Variants in KIAA1755 observed in about 807,000 individuals in gnomAD.
KIAA1755 encodes KIAA1755.
Under a neutral mutation model 91.7 loss-of-function variants are expected in KIAA1755, and 68 were observed. The ratio of observed to expected loss-of-function variants is 0.74; its 90% CI spans 0.61 to 0.91. KIAA1755 has a LOEUF of 0.91. Ranked by LOEUF, KIAA1755 falls within the 40% of genes least tolerant of loss-of-function variation. The pLI, the probability that KIAA1755 is intolerant of heterozygous loss-of-function variation, is 0.00. For synonymous variants in KIAA1755, 610 were observed against 604.6 expected, an observed-to-expected ratio of 1.01 and a Z score of -0.13; for missense variants, 1,535 against 1,494.4, an observed-to-expected ratio of 1.03 and a Z score of -0.45.
chr20:38,225,454 A>G, intron 8 of KIAA1755: 2 of 564,734 alleles, frequency 3.5e-6, no homozygotes, highest in Non-Finnish European at 6.3e-6. Flanking sequence ...ACTTATCCAA[A>G]ATCACACAGC....
chr20:38,219,725 C>A lies in KIAA1755; in HGVS notation c.2461G>T (p.Glu821Ter), dbSNP rs781316972. 6 of 1,614,064 alleles carry A rather than the reference C, an allele frequency of 3.7e-6. No individual in the cohort carries two copies. The highest frequency in any genetic ancestry group is 3.3e-5 in the Admixed American group (2 of 60,004). Reference sequence around the variant, plus strand: ...GCGGTGACCAGAACATGAAGCTGCTCGTCCACAAGGCTGTACAAGGCAGTG... The same window carrying A: ...GCGGTGACCAGAACATGAAGCTGCTAGTCCACAAGGCTGTACAAGGCAGTG... ...AATALYSLVD[E>*]QLHVLVTASN... The change falls in exon 11 of 14, where the codon GAG becomes TAG. Residue 821 changes from glutamate to a stop codon, truncating the protein, a stop_gained. Coordinates refer to ENST00000279024, the MANE Select transcript of KIAA1755 (RefSeq NM_001029864.2). LOFTEE classifies it high-confidence loss of function.
rs1475097887 is a variant in KIAA1755, at chr20:38,242,763, A to G, written c.202-834T>C. 3.9e-5 allele frequency among the ~76,000 whole-genome samples: 6 copies of G among 151,974 alleles called. No individual in the cohort carries two copies. The East Asian group carries it at 7.7e-4, about 20-fold the overall frequency. ...CTAGATGGCTGTCCAGTTTTTCCTGACCCAAAGGTTATTCTGGGCCTGAAT... is the reference window on the plus strand; with the variant it reads ...CTAGATGGCTGTCCAGTTTTTCCTGGCCCAAAGGTTATTCTGGGCCTGAAT... On this transcript the variant is annotated intron_variant, in intron 2 of 13. Transcript: ENST00000279024.
intron 4 of KIAA1755, chr20:38,233,608 T>G (rs2075906754): frequency 6.6e-6 from 1 of 152,050 alleles, no homozygotes. Flanking sequence ...CATGCCTGAT[T>G]CACCCCTTGA....
At chr20:38,231,145 T>C in intron 5 of KIAA1755, 57 bp downstream of exon 5, 1 of 1,552,624 alleles carries the variant, frequency 6.4e-7, no homozygotes, top group Non-Finnish European at 8.7e-7. Context: ...GGTCCAGGGC[T>C]CTGGGCCCAG....
chr20:38,245,233 T>G (rs1221840306), intron 2 of KIAA1755, among the ~76,000 whole-genome samples: 2 of 152,158 alleles, frequency 1.3e-5, no homozygotes, highest in Non-Finnish European at 2.9e-5. Flanking sequence ...CTCTCTAGGA[T>G]AGAATATAAA....
Position 38,241,920 on chromosome 20 carries a change from A to ACTACG in KIAA1755, c.210_211insCGTAG (p.Ser71ArgfsTer16). On this transcript the variant is annotated frameshift_variant, in exon 3 of 14. Transcript: ENST00000279024. LOFTEE classifies it high-confidence loss of function. The stretch of plus-strand genomic sequence containing the variant: ...CCCTCGTGTAAGAAGAGGCAGTGTG[A>ACTACG]GTAGGGAGCCTGTGGAGAGAAGGGG... 6.2e-7 allele frequency: 1 copy of ACTACG among 1,611,658 alleles called. No homozygotes were observed.
At position 38,228,200 on chromosome 20, in the gene KIAA1755, C is replaced by T. The variant is rs138150915; in HGVS notation, c.1912G>A (p.Ala638Thr). 45 of 1,604,316 alleles carry T rather than the reference C, an allele frequency of 2.8e-5. No homozygotes were observed. The African/African-American group carries it at 3.1e-4, about 11-fold the overall frequency. Residue 638 changes from alanine (A) to threonine (T), a missense_variant, in exon 6 of 14, where the codon GCC becomes ACC. Transcript: ENST00000279024. Reference protein sequence around the residue: ...KAKGLAVLIDARRQPPQPGLV... With the variant: ...KAKGLAVLIDTRRQPPQPGLV... The stretch of plus-strand genomic sequence containing the variant: ...CCGGGCTGTGGGGGCTGTCTCCTGG[C>T]GTCAATCAGGACCGCCAGCCCCTTG...
Position 38,231,325 on chromosome 20 carries a change from C to T in KIAA1755, c.1748G>A (p.Gly583Asp), listed in dbSNP as rs1290038346. The T allele has an allele frequency of 6.2e-7, 1 of 1,607,078 alleles. No homozygotes were observed. Among genetic ancestry groups the T allele is most frequent in the African/African-American group, 1.3e-5 (1 of 74,916 alleles). The stretch of plus-strand genomic sequence containing the variant: ...GGGCCGCCCGGCCCTGTCCCGGCCA[C>T]CTGGAGGACAGAGGGCACACGTGAG... ...VFRSRIACLP[G>D]GRDRAGRPLL... The change falls in exon 5 of 14, where the codon GGT becomes GAT. Residue 583 changes from glycine to aspartate, a missense_variant and splice_region_variant. Gly to Asp is a moderately conservative substitution (Grantham distance 94). Coordinates refer to ENST00000279024, the MANE Select transcript of KIAA1755 (RefSeq NM_001029864.2).
intron 10 of KIAA1755, 61 bp downstream of exon 10, chr20:38,222,388 C>A: frequency 1.3e-6 from 2 of 1,562,300 alleles, no homozygotes; most frequent in Non-Finnish European, 1.7e-6. Context: ...GTGGTCCCAG[C>A]TCCAAGCTCC....
intron 1 of KIAA1755, among the ~76,000 whole-genome samples, chr20:38,255,938 C>T (rs1340323996): frequency 1.3e-5 from 2 of 152,194 alleles, no homozygotes; most frequent in East Asian, 3.8e-4. Flanking sequence ...ACCCAAACCA[C>T]ATCATGATCA....
In KIAA1755 at chr20:38,218,314, G is replaced by C; in HGVS notation, c.2609C>G (p.Pro870Arg). Reference protein sequence around the residue: ...EGRRCLQSLTPKDGSLETVEK... With the variant: ...EGRRCLQSLTRKDGSLETVEK... ...CACTGTCTCCAAACTTCCATCCTTG[G>C]GGGTCAGTGATTGCAGGCACCGCCT... Residue 870 changes from proline to arginine, a missense_variant, in exon 12 of 14, where the codon CCC becomes CGC. Pro to Arg is a moderately radical substitution (Grantham distance 103, BLOSUM62 -2). Transcript: ENST00000279024. 1 of 1,614,200 alleles carries C rather than the reference G, an allele frequency of 6.2e-7. No homozygotes were observed. The highest frequency in any genetic ancestry group is 1.6e-4 in the Middle Eastern group (1 of 6,062).
rs1339753799 is a variant in KIAA1755 at position 38,213,542 on chromosome 20, C to A, written c.3103G>T (p.Glu1035Ter). The change falls in exon 14 of 14, where the codon GAG becomes TAG. Residue 1035 changes from glutamate to a stop codon, truncating the protein, a stop_gained. Coordinates refer to ENST00000279024, the MANE Select transcript of KIAA1755 (RefSeq NM_001029864.2). LOFTEE classifies it low-confidence loss of function (END_TRUNC). ...SRAGLGQELW[E>*]EARIRHEEIR... The stretch of plus-strand genomic sequence containing the variant: ...TCCTCATGCCTGATCCGGGCCTCCT[C>A]CCATAGCTCCTGGCCCAGGCCTGCC... The A allele has an allele frequency of 1.2e-6, 2 of 1,609,082 alleles. No homozygotes were observed. The highest frequency in any genetic ancestry group is 1.7e-6 in the Non-Finnish European group (2 of 1,177,878).
In KIAA1755 at chr20:38,212,765, A is replaced by C; in HGVS notation, c.*277T>G. ...GTCTGTGCCGACAGGTCTTTCCACA[A>C]TGAGAGCCTGGAGGGATGGAGCCAA... On this transcript the variant is annotated 3_prime_UTR_variant, in exon 14 of 14. Transcript: ENST00000279024. 2.8e-6 allele frequency: 1 copy of C among 352,342 alleles called. No individual in the cohort carries two copies. Among genetic ancestry groups the C allele is most frequent in the Non-Finnish European group, 5.2e-6 (1 of 193,770 alleles). 21.8% of individuals were successfully genotyped at this position (352,342 alleles called of 1,614,324 possible). A position where few individuals can be genotyped will look rare whatever the true frequency, so the allele number is the denominator to read the frequency against.
chr20:38,227,239 G>C lies in KIAA1755; in HGVS notation c.1967C>G (p.Ala656Gly). 1 of 1,613,284 alleles carries C rather than the reference G, an allele frequency of 6.2e-7. No homozygotes were observed. Among genetic ancestry groups the C allele is most frequent in the Middle Eastern group, 1.7e-4 (1 of 6,060 alleles). The change falls in exon 7 of 14, where the codon GCT becomes GGT. Residue 656 changes from alanine (A) to glycine (G), a missense_variant and splice_region_variant. By Grantham distance (60) the Ala-to-Gly change is moderately conservative. Coordinates refer to ENST00000279024, the MANE Select transcript of KIAA1755 (RefSeq NM_001029864.2). ...GLVSALQATQ[A>G]QVPASIRAIL... is the part of the protein sequence containing the mutation. ...AGCCCGGATAGAGGCTGGGACCTGA[G>C]CCTGTCAAAGACAACCACTGCAGAG... is the stretch of plus-strand genomic sequence containing the variant.
At position 38,211,496 on chromosome 20, in the gene KIAA1755, T is replaced by C. The variant is rs1187075058; in HGVS notation, c.*1546A>G. On this transcript the variant is annotated 3_prime_UTR_variant, in exon 14 of 14. Transcript: ENST00000279024. ...AAGGGTGGGGCTTCTGGATGCTCCA[T>C]CTAAGATCCGACAGATAGGCCCCTT... 1 of 152,364 alleles carries C rather than the reference T, an allele frequency of 6.6e-6. No homozygotes were observed. Among genetic ancestry groups the C allele is most frequent in the Non-Finnish European group, 1.5e-5 (1 of 68,200 alleles). The allele number at this position is 152,364 out of a possible 1,614,324, so 9.4% of individuals were successfully genotyped here.
At chr20:38,235,077 G>A (rs559797383) in intron 4 of KIAA1755, among the ~76,000 whole-genome samples, 1 of 151,856 alleles carries the variant, frequency 6.6e-6, no homozygotes, top group Admixed American at 6.6e-5. Flanking sequence ...GGGGAGGGAG[G>A]AATGGTAAGT....
At chr20:38,228,034 C>G in intron 6 of KIAA1755, 113 bp downstream of exon 6, 1 of 643,678 alleles carries the variant, frequency 1.6e-6, no homozygotes. Flanking sequence ...AGTAAAAGTC[C>G]CTGCCTGAGA....
At chr20:38,225,452 A>T in intron 8 of KIAA1755, 1 of 562,520 alleles carries the variant, frequency 1.8e-6, no homozygotes, top group East Asian at 3.2e-5. Flanking sequence ...TAACTTATCC[A>T]AAATCACACA....
At chr20:38,238,346 A>G (rs1205429) in intron 4 of KIAA1755, among the ~76,000 whole-genome samples, 53,377 of 152,046 alleles carry the variant, frequency 0.35, 9,492 homozygotes, top group Middle Eastern at 0.5. Context: ...CAAGGTCCTG[A>G]AGAGATATGG....
Sources: allele counts gnomAD v4.1 joint callset (sites outside exome capture counted in the v4.1 genomes callset), GRCh38; gene constraint gnomAD v4.1.1; transcripts MANE v1.5; gene names NCBI Gene and HGNC (gene_info 2026-07-23, HGNC 2026-07-21).